Variants in PMP22 observed in about 807,000 individuals in gnomAD.
The protein encoded by PMP22 is Charcot-Marie-Tooth neuropathy 1A (greatly reduced nerve conduction velocity, hereditary motor sensory neuropathy Ia).
A neutral mutation model predicts 18.9 loss-of-function variants in PMP22; 2 were observed. That is an observed-to-expected ratio of 0.11 (90% CI 0.04 to 0.33). PMP22 has a LOEUF of 0.33. PMP22 is among the 10% of genes least tolerant of loss of function. The probability of loss-of-function intolerance (pLI) is 1.00; values close to 1 mark genes in which losing one functional copy is unlikely to be tolerated. For missense variants in PMP22, 169 were observed against 202.2 expected, an observed-to-expected ratio of 0.84 and a Z score of 1.00; for synonymous variants, 95 against 89.2, an observed-to-expected ratio of 1.07 and a Z score of -0.37.
intron 4 of PMP22, among the ~76,000 whole-genome samples, chr17:15,235,841 C>T (rs577821883): frequency 1.2e-3 from 176 of 152,262 alleles, no homozygotes; most frequent in Non-Finnish European, 2.0e-3. Context: ...CAACCTCCAC[C>T]TCCTAGGTTC....
At position 15,244,536 on chromosome 17, in the gene PMP22, T is replaced by C. The variant is rs904833035; in HGVS notation, c.179-4925A>G. Among the ~76,000 whole-genome samples, 4 of 152,106 alleles carry C rather than the reference T, an allele frequency of 2.6e-5. No homozygotes were observed. In the East Asian group the frequency reaches 5.8e-4, roughly 22 times the overall value. On this transcript the variant is annotated intron_variant, in intron 3 of 4. Coordinates refer to ENST00000312280, the MANE Select transcript of PMP22 (RefSeq NM_000304.4). ...ACTCAGAGGAAAATAAATAAGGACA[T>C]TGATTGTAGCATTTCTATGAGGGAA...
intron 3 of PMP22, among the ~76,000 whole-genome samples, chr17:15,243,674 T>C (rs927368140): frequency 6.7e-6 from 1 of 148,578 alleles, no homozygotes; most frequent in South Asian, 2.1e-4. Context: ...ATCATAGAAC[T>C]ATGATATATA....
chr17:15,231,994 C>T (rs1202017337), intron 4 of PMP22, among the ~76,000 whole-genome samples: 1 of 152,138 alleles, frequency 6.6e-6, no homozygotes, highest in East Asian at 1.9e-4. Context: ...GTCAGCACCC[C>T]AGCCTGGAGC....
At chr17:15,260,343 G>GAA in intron 2 of PMP22, 22 of 402,120 alleles carry the variant, frequency 5.5e-5, no homozygotes, top group East Asian at 1.9e-4. Context: ...GCTGCATCAA[G>GAA]AAAAAAAAAA....
chr17:15,256,100 T>C (rs1228107423), intron 3 of PMP22, among the ~76,000 whole-genome samples: 2 of 152,028 alleles, frequency 1.3e-5, no homozygotes. Flanking sequence ...ACAAACACAT[T>C]TAGAAAAACG....
intron 3 of PMP22, among the ~76,000 whole-genome samples, chr17:15,243,345 AT>A (rs1353682930): frequency 6.6e-6 from 1 of 152,118 alleles, no homozygotes; most frequent in East Asian, 1.9e-4. Flanking sequence ...AAAGATGCCA[AT>A]TTCATCCAAA....
At chr17:15,254,577 C>T (rs2150700846) in intron 3 of PMP22, among the ~76,000 whole-genome samples, 1 of 152,256 alleles carries the variant, frequency 6.6e-6, no homozygotes, top group South Asian at 2.1e-4. Flanking sequence ...GACTTGGGGG[C>T]CTCTCTTAGA....
intron 4 of PMP22, among the ~76,000 whole-genome samples, chr17:15,232,899 G>C (rs1906481059): frequency 6.6e-6 from 1 of 152,200 alleles, no homozygotes; most frequent in Admixed American, 6.5e-5. Flanking sequence ...CATCTTAGTA[G>C]AATCTCAGAA....
intron 3 of PMP22, among the ~76,000 whole-genome samples, chr17:15,253,526 C>T (rs942078422): frequency 6.6e-6 from 1 of 152,054 alleles, no homozygotes; most frequent in South Asian, 2.1e-4. Flanking sequence ...TCAAATGGAC[C>T]ACTGAGAAAC....
chr17:15,260,438 C>A, intron 2 of PMP22: 1 of 627,316 alleles, frequency 1.6e-6, no homozygotes. Flanking sequence ...GCGCAGCTAA[C>A]CCAGCCCAGC....
chr17:15,263,548 T>G (rs1909505544), intron 1 of PMP22, among the ~76,000 whole-genome samples: 2 of 150,634 alleles, frequency 1.3e-5, no homozygotes, highest in South Asian at 4.2e-4. Flanking sequence ...GTTAAAGGTT[T>G]CTGCCTGAAA....
At chr17:15,250,843 A>G (rs990097841) in intron 3 of PMP22, among the ~76,000 whole-genome samples, 5 of 152,216 alleles carry the variant, frequency 3.3e-5, no homozygotes, top group African/African-American at 1.2e-4. Context: ...TGTCATTGTC[A>G]TCATTGTCAT....
At chr17:15,244,479 T>G (rs1036961967) in intron 3 of PMP22, among the ~76,000 whole-genome samples, 15 of 152,182 alleles carry the variant, frequency 9.9e-5, no homozygotes, top group African/African-American at 3.6e-4. Flanking sequence ...CAAGTGCTTA[T>G]CTACTATATC....
At chr17:15,242,095 T>C (rs544551187) in intron 3 of PMP22, among the ~76,000 whole-genome samples, 14 of 150,848 alleles carry the variant, frequency 9.3e-5, no homozygotes, top group African/African-American at 3.4e-4. Context: ...CTACGAAAAA[T>C]ACAAAAAAAT....
intron 4 of PMP22, among the ~76,000 whole-genome samples, chr17:15,232,843 T>C (rs1597599913): frequency 1.3e-5 from 2 of 152,308 alleles, no homozygotes; most frequent in African/African-American, 2.4e-5. Context: ...AGAGGCAGTA[T>C]AGAGAAGTGC....
intron 3 of PMP22, among the ~76,000 whole-genome samples, chr17:15,240,389 TG>T (rs1428648205): frequency 2.6e-5 from 4 of 150,952 alleles, no homozygotes; most frequent in African/African-American, 9.7e-5. Context: ...GAAATCAATT[TG>T]CTTGGACAAC....
chr17:15,240,320 A>C (rs1218439459), intron 3 of PMP22, among the ~76,000 whole-genome samples: 1 of 152,036 alleles, frequency 6.6e-6, no homozygotes, highest in Non-Finnish European at 1.5e-5. Context: ...GCCCAAAGTA[A>C]TTTTTTGGAA....
intron 3 of PMP22, among the ~76,000 whole-genome samples, chr17:15,247,017 C>T (rs190757212): frequency 2.4e-4 from 34 of 140,036 alleles, no homozygotes; most frequent in African/African-American, 8.3e-4. Context: ...CTGCAGTGAG[C>T]CGAGATCACA....
At chr17:15,237,999 GAA>G (rs11345460) in intron 4 of PMP22, among the ~76,000 whole-genome samples, 1 of 142,256 alleles carries the variant, frequency 7.0e-6, no homozygotes, top group African/African-American at 2.6e-5. Context: ...AAACGAGTGA[GAA>G]AAAAAAAAAG....
Sources: gnomAD v4.1 joint callset for allele counts (sites outside exome capture counted in the v4.1 genomes callset) on GRCh38, gnomAD v4.1.1 for gene constraint, MANE v1.5 for transcripts, NCBI Gene and HGNC (gene_info 2026-07-23, HGNC 2026-07-21) for gene names.